Variants in RPS6KB1 observed in about 807,000 individuals in gnomAD.
RPS6KB1 encodes the protein ribosomal protein S6 kinase B1.
In RPS6KB1, 12 loss-of-function variants were observed where a neutral mutation model predicts 70.2. The observed-to-expected ratio is 0.17, with a 90% CI of 0.11 to 0.28. The LOEUF (loss-of-function observed/expected upper bound fraction) is 0.28, where lower values mean the gene tolerates loss of function less well. Ranked by LOEUF, RPS6KB1 falls within the 10% of genes least tolerant of loss-of-function variation. The probability of loss-of-function intolerance (pLI) is 1.00; values close to 1 mark genes in which losing one functional copy is unlikely to be tolerated. For synonymous variants in RPS6KB1, 175 were observed against 211.2 expected (o/e 0.83, Z 1.49); for missense variants, 270 against 646.6 (o/e 0.42, Z 6.32).
chr17:59,912,645 T>G, intron 2 of RPS6KB1, 39 bp from the exon 3 acceptor site: 1 of 1,601,768 alleles, frequency 6.2e-7, no homozygotes, highest in Non-Finnish European at 8.5e-7. Flanking sequence ...GTAATTTAAC[T>G]TTTTGCAAAT....
At position 59,947,624 on chromosome 17, in the gene RPS6KB1, T is replaced by C. The variant is rs1258550811; in HGVS notation, c.*836T>C. ...CTAAGCTTAACTGGAAGCCTTGGAA[T>C]GGGCATAAGTTGTATGTCCTACATT... On this transcript the variant is annotated 3_prime_UTR_variant, in exon 15 of 15. Coordinates refer to ENST00000225577, the MANE Select transcript of RPS6KB1 (RefSeq NM_003161.4). 15 of 1,275,062 alleles carry C rather than the reference T, an allele frequency of 1.2e-5. No homozygotes were observed. Among genetic ancestry groups the C allele is most frequent in the Non-Finnish European group, 5.6e-6 (5 of 893,518 alleles). 79.0% of individuals were successfully genotyped at this position (1,275,062 alleles called of 1,614,324 possible).
At chr17:59,944,076 C>T (rs1193477823) in intron 13 of RPS6KB1, among the ~76,000 whole-genome samples, 2 of 151,950 alleles carry the variant, frequency 1.3e-5, no homozygotes, top group Admixed American at 6.6e-5. Flanking sequence ...CAGCCTGTAC[C>T]TCTTGGTAGT....
intron 1 of RPS6KB1, among the ~76,000 whole-genome samples, chr17:59,898,273 G>C (rs1267025094): frequency 6.6e-6 from 1 of 152,048 alleles, no homozygotes; most frequent in Non-Finnish European, 1.5e-5. Flanking sequence ...CAGGCTTACT[G>C]TACAAGTTTC....
At chr17:59,919,383 A>T (rs1024748244) in intron 4 of RPS6KB1, among the ~76,000 whole-genome samples, 1 of 152,120 alleles carries the variant, frequency 6.6e-6, no homozygotes, top group Non-Finnish European at 1.5e-5. Flanking sequence ...TGAGCCTGGG[A>T]GGTGGAGGTT....
chr17:59,934,121 C>T lies in RPS6KB1; in HGVS notation c.689-49C>T. The T allele has an allele frequency of 8.6e-7, 1 of 1,164,402 alleles. No individual in the cohort carries two copies. The highest frequency in any genetic ancestry group is 1.3e-6 in the Non-Finnish European group (1 of 770,358). 72.1% of individuals were successfully genotyped at this position (1,164,402 alleles called of 1,614,324 possible). A position where few individuals can be genotyped will look rare whatever the true frequency, so the allele number is the denominator to read the frequency against. On this transcript the variant is annotated intron_variant, in intron 7 of 14. Transcript: ENST00000225577. The surrounding 1 kb of genome is among the most constrained non-coding windows in gnomAD (Gnocchi z 4.8). Reference sequence around the variant, plus strand: ...TATTATGTGACATGTTCAAACACTGCACATACTTATAATTCGGAGAATAAT... The same window carrying T: ...TATTATGTGACATGTTCAAACACTGTACATACTTATAATTCGGAGAATAAT...
chr17:59,931,667 A>G lies in RPS6KB1; in HGVS notation c.633A>G (p.Gln211=), dbSNP rs368534737. Residue 211 remains glutamine (Q), a synonymous_variant, in exon 7 of 15, where the codon CAA becomes CAG. Transcript: ENST00000225577. The stretch of plus-strand genomic sequence containing the variant: ...CCATGGCTTTGGGGCATTTACATCA[A>G]AAGGGGATCATCTACAGAGACCTGA... ...EISMALGHLH[Q]KGIIYRDLKP... 53 of 1,613,766 alleles carry G rather than the reference A, an allele frequency of 3.3e-5. 1 individual carries two copies. The highest frequency in any genetic ancestry group is 3.7e-5 in the Non-Finnish European group (44 of 1,179,796).
intron 4 of RPS6KB1, among the ~76,000 whole-genome samples, chr17:59,918,461 C>T (rs2043086958): frequency 6.6e-6 from 1 of 151,976 alleles, no homozygotes; most frequent in Admixed American, 6.6e-5. Context: ...CCCCTGCCTC[C>T]TGCGTTCAAG....
At position 59,934,400 on chromosome 17, in the gene RPS6KB1, T is replaced by G. The variant is rs1414410595; in HGVS notation, c.780-34T>G. On this transcript the variant is annotated intron_variant, in intron 8 of 14. Transcript: ENST00000225577. The surrounding 1 kb of genome is among the most constrained non-coding windows in gnomAD (Gnocchi z 4.8). ...CTAATTCAGATGATATGCAAATGGG[T>G]GAATTTTTAAGCATATTATTTTCCT... 1 of 1,579,186 alleles carries G rather than the reference T, an allele frequency of 6.3e-7. No homozygotes were observed. Among genetic ancestry groups the G allele is most frequent in the South Asian group, 1.1e-5 (1 of 90,268 alleles).
chr17:59,943,102 G>A (rs181016490), intron 13 of RPS6KB1, among the ~76,000 whole-genome samples: 4 of 152,216 alleles, frequency 2.6e-5, no homozygotes, highest in African/African-American at 9.6e-5. Flanking sequence ...TTAATATAGA[G>A]CACATAGGCA....
chr17:59,894,070 GA>G (rs576031542), intron 1 of RPS6KB1: 20 of 625,874 alleles, frequency 3.2e-5, no homozygotes, highest in Non-Finnish European at 4.0e-5. Flanking sequence ...TTTTGAGGTG[GA>G]AAAAAAAACC....
intron 4 of RPS6KB1, among the ~76,000 whole-genome samples, chr17:59,915,363 T>TA (rs2144817804): frequency 6.6e-6 from 1 of 152,276 alleles, no homozygotes; most frequent in South Asian, 2.1e-4. Context: ...TTCCTATTTT[T>TA]ATTTCTGCTT....
At chr17:59,914,122 A>T (rs1359003001) in intron 3 of RPS6KB1, among the ~76,000 whole-genome samples, 1 of 152,226 alleles carries the variant, frequency 6.6e-6, no homozygotes, top group Non-Finnish European at 1.5e-5. Flanking sequence ...AAGTATTAGT[A>T]CAAACTATTT....
chr17:59,915,451 G>A (rs565522274), intron 4 of RPS6KB1, among the ~76,000 whole-genome samples: 4 of 151,922 alleles, frequency 2.6e-5, no homozygotes, highest in African/African-American at 4.8e-5. Flanking sequence ...TTATTTCTAA[G>A]TAATAAGCAT....
At position 59,932,176 on chromosome 17, in the gene RPS6KB1, G is replaced by A. The variant is rs567685776; in HGVS notation, c.688+454G>A. ...TCCCAGCACTTTGGGAGGCTAAGGTGGGTGGATCACCTGAGGTCAGGAGTT... is the reference window on the plus strand; with the variant it reads ...TCCCAGCACTTTGGGAGGCTAAGGTAGGTGGATCACCTGAGGTCAGGAGTT... On this transcript the variant is annotated intron_variant, in intron 7 of 14. Transcript: ENST00000225577. Among the ~76,000 whole-genome samples the A allele has an allele frequency of 1.6e-3, 239 of 152,076 alleles. 4 individuals carry two copies. In the South Asian group the frequency reaches 0.023, roughly 15 times the overall value.
At chr17:59,895,728 G>C (rs1249496808) in intron 1 of RPS6KB1, among the ~76,000 whole-genome samples, 1 of 151,990 alleles carries the variant, frequency 6.6e-6, no homozygotes, top group Non-Finnish European at 1.5e-5. Context: ...CGCCTCCTGA[G>C]CTCAAGCGAT....
At chr17:59,943,376 A>G (rs1272210713) in intron 13 of RPS6KB1, among the ~76,000 whole-genome samples, 1 of 152,184 alleles carries the variant, frequency 6.6e-6, no homozygotes, top group African/African-American at 2.4e-5. Context: ...CTTATGTGAC[A>G]GTTTTCCCCC....
chr17:59,925,284 C>T (rs2043539565), intron 4 of RPS6KB1, among the ~76,000 whole-genome samples: 1 of 152,112 alleles, frequency 6.6e-6, no homozygotes, highest in Non-Finnish European at 1.5e-5. Context: ...TTCCATATTA[C>T]TTATGGAGAT....
At chr17:59,942,246 A>C (rs1368170350) in intron 13 of RPS6KB1, among the ~76,000 whole-genome samples, 1 of 152,240 alleles carries the variant, frequency 6.6e-6, no homozygotes, top group African/African-American at 2.4e-5. Flanking sequence ...TGCCAGGCCA[A>C]GTAGGGGATT....
chr17:59,929,153 C>T (rs535332622), intron 5 of RPS6KB1, among the ~76,000 whole-genome samples: 18 of 146,282 alleles, frequency 1.2e-4, no homozygotes, highest in South Asian at 6.6e-4. Flanking sequence ...TTTTTTGAGA[C>T]GGAATCTCAC....
Sources: allele counts gnomAD v4.1 joint callset (sites outside exome capture counted in the v4.1 genomes callset), GRCh38; gene constraint gnomAD v4.1.1; non-coding constraint Gnocchi (gnomAD v3.1); transcripts MANE v1.5; gene names NCBI Gene and HGNC (gene_info 2026-07-23, HGNC 2026-07-21).